DZIP3: variants seen among roughly 807,000 people sequenced by gnomAD.
DZIP3 encodes E3 ubiquitin-protein ligase DZIP3.
A neutral mutation model predicts 162.0 loss-of-function variants in DZIP3; 118 were observed. That is an observed-to-expected ratio of 0.73 (90% CI 0.63 to 0.85). The LOEUF is 0.85. Among genes scored for constraint, DZIP3 ranks in the 40% least tolerant of loss-of-function variants. The probability of loss-of-function intolerance (pLI) is 0.00; values close to 1 mark genes in which losing one functional copy is unlikely to be tolerated. For missense variants in DZIP3, 1,331 were observed against 1,407.0 expected, an observed-to-expected ratio of 0.95 and a Z score of 0.86; for synonymous variants, 438 against 458.6, an observed-to-expected ratio of 0.96 and a Z score of 0.57.
chr3:108,672,599 A>C lies in DZIP3; in HGVS notation c.2532A>C (p.Thr844=). The change falls in exon 23 of 33, where the codon ACA becomes ACC. Residue 844 remains threonine, a synonymous_variant. Coordinates refer to ENST00000361582, the MANE Select transcript of DZIP3 (RefSeq NM_014648.4). Reference sequence around the variant, plus strand: ...TGGAAAAACATAATCTGGAAAGCACAATGAAAACATACGTAAGCAAACTGA... The same window carrying C: ...TGGAAAAACATAATCTGGAAAGCACCATGAAAACATACGTAAGCAAACTGA... ...WEMEKHNLES[T]MKTYVSKLNA... 1 of 1,612,176 alleles carries C rather than the reference A, an allele frequency of 6.2e-7. No homozygotes were observed. The highest frequency in any genetic ancestry group is 1.7e-4 in the Middle Eastern group (1 of 6,046).
rs764838895 is a variant in DZIP3, at chr3:108,677,593, A to T, written c.2878A>T (p.Ile960Leu). ...QLPPPPPSPE[I>L]LMQQFLGRPL... ...TCCTCCTCCACCACCCAGTCCTGAGATACTGGTAAGAAATACAACATTTTG... is the reference window on the plus strand; with the variant it reads ...TCCTCCTCCACCACCCAGTCCTGAGTTACTGGTAAGAAATACAACATTTTG... The change falls in exon 26 of 33, where the codon ATA becomes TTA. Residue 960 changes from isoleucine to leucine, a missense_variant. By Grantham distance (5) the Ile-to-Leu change is conservative. Transcript: ENST00000361582. 4.3e-6 allele frequency: 7 copies of T among 1,611,382 alleles called. No homozygotes were observed. The highest frequency in any genetic ancestry group is 2.2e-5 in the East Asian group (1 of 44,804).
intron 14 of DZIP3, 144 bp from the exon 15 acceptor site, chr3:108,646,473 G>C: frequency 3.0e-6 from 2 of 659,748 alleles, no homozygotes; most frequent in Non-Finnish European, 5.4e-6. Flanking sequence ...GTCTAAACTG[G>C]ATTGATGAGC....
At chr3:108,619,028 T>C (rs903785008) in intron 5 of DZIP3, among the ~76,000 whole-genome samples, 3 of 112,690 alleles carry the variant, frequency 2.7e-5, no homozygotes, top group Non-Finnish European at 4.9e-5. Context: ...GCCACTGCAC[T>C]CCAGCCTAGG....
At chr3:108,639,050 T>C (rs1305592703) in intron 12 of DZIP3, among the ~76,000 whole-genome samples, 1 of 152,242 alleles carries the variant, frequency 6.6e-6, no homozygotes, top group African/African-American at 2.4e-5. Flanking sequence ...AGTTTACTAT[T>C]TGACCTTCAA....
At chr3:108,690,686 C>A in intron 31 of DZIP3, 101 bp from the exon 32 acceptor site, 1 of 1,024,342 alleles carries the variant, frequency 9.8e-7, no homozygotes, top group Non-Finnish European at 1.5e-6. Context: ...CTTTAAAGAT[C>A]CACCAGAAGA....
intron 19 of DZIP3, among the ~76,000 whole-genome samples, chr3:108,655,413 T>C (rs776781555): frequency 1.6e-4 from 25 of 152,282 alleles, no homozygotes; most frequent in Admixed American, 5.2e-4. Flanking sequence ...CAATATTTTA[T>C]CATCTCTAAA....
chr3:108,678,293 A>G (rs141315475), intron 26 of DZIP3, among the ~76,000 whole-genome samples: 2,953 of 151,984 alleles, frequency 0.019, 101 homozygotes, highest in African/African-American at 0.068. Flanking sequence ...TTACAATGTA[A>G]TAATACTAGA....
At chr3:108,677,423 A>G in intron 25 of DZIP3, 74 bp from the exon 26 acceptor site, 2 of 1,239,124 alleles carry the variant, frequency 1.6e-6, no homozygotes, top group Non-Finnish European at 2.4e-6. Context: ...ATTCAAAACT[A>G]CATCAGATAT....
chr3:108,634,609 T>C (rs1023759610), intron 9 of DZIP3, among the ~76,000 whole-genome samples: 1 of 152,136 alleles, frequency 6.6e-6, no homozygotes, highest in Non-Finnish European at 1.5e-5. Flanking sequence ...TTTCTGATAT[T>C]TTGTTGTACG....
At chr3:108,653,503 GTGTGTATATATATA>G (rs1237149831) in intron 18 of DZIP3, among the ~76,000 whole-genome samples, 2 of 20,032 alleles carry the variant, frequency 1.0e-4, no homozygotes, top group African/African-American at 1.9e-4. Context: ...CATTGTGTGT[GTGTGTATATATATA>G]TATATATATA....
chr3:108,636,770 T>TTCC, intron 11 of DZIP3, 62 bp downstream of exon 11: 1 of 1,248,058 alleles, frequency 8.0e-7, no homozygotes, highest in Admixed American at 2.3e-5. Context: ...AAAATATTTT[T>TTCC]GACTTGAAAC....
intron 4 of DZIP3, among the ~76,000 whole-genome samples, chr3:108,614,543 C>G (rs1346723251): frequency 6.6e-6 from 1 of 152,196 alleles, no homozygotes; most frequent in Admixed American, 6.5e-5. Context: ...ATTGCCCCCC[C>G]ATACCAATTG....
chr3:108,636,829 G>A, intron 11 of DZIP3, 121 bp downstream of exon 11: 1 of 667,488 alleles, frequency 1.5e-6, no homozygotes, highest in East Asian at 3.1e-5. Context: ...GCCTTTAATG[G>A]TGACTGAGCT....
intron 17 of DZIP3, among the ~76,000 whole-genome samples, chr3:108,650,255 T>C (rs1447508304): frequency 6.6e-6 from 1 of 151,830 alleles, no homozygotes; most frequent in Non-Finnish European, 1.5e-5. Context: ...CTAGATGTGT[T>C]TATTGTGAAC....
chr3:108,692,591 T>C (rs1373175093), intron 32 of DZIP3, among the ~76,000 whole-genome samples: 2 of 152,346 alleles, frequency 1.3e-5, no homozygotes, highest in Non-Finnish European at 2.9e-5. Context: ...CATGTCTGCC[T>C]GTCCTTTAGA....
intron 16 of DZIP3, 21 bp downstream of exon 16, chr3:108,648,133 T>C: frequency 6.4e-7 from 1 of 1,572,450 alleles, no homozygotes; most frequent in Non-Finnish European, 8.6e-7. Flanking sequence ...TCATTAATAT[T>C]TGAGTTAGAA....
chr3:108,623,793 C>G (rs1264397722), intron 5 of DZIP3, among the ~76,000 whole-genome samples: 1 of 152,212 alleles, frequency 6.6e-6, no homozygotes, highest in African/African-American at 2.4e-5. Context: ...GCAGGGCTTG[C>G]TGGAACTCAG....
intron 21 of DZIP3, among the ~76,000 whole-genome samples, chr3:108,662,478 C>A (rs899475993): frequency 6.6e-6 from 1 of 152,248 alleles, no homozygotes; most frequent in Middle Eastern, 3.4e-3. Flanking sequence ...CATGTATTGG[C>A]TGAACAAGTG....
intron 29 of DZIP3, 101 bp from the exon 30 acceptor site, chr3:108,688,492 C>T: frequency 1.6e-6 from 2 of 1,255,706 alleles, no homozygotes; most frequent in South Asian, 1.6e-5. Flanking sequence ...GATTATTTAC[C>T]CTTTTGCTAG....
Sources: allele counts gnomAD v4.1 joint callset (sites outside exome capture counted in the v4.1 genomes callset), GRCh38; gene constraint gnomAD v4.1.1; transcripts MANE v1.5; gene names NCBI Gene and HGNC (gene_info 2026-07-23, HGNC 2026-07-21).